The following CACNA1A variants were observed in gnomAD, a reference collection of about 807,000 sequenced individuals.
CACNA1A encodes the protein voltage-dependent P/Q-type calcium channel subunit alpha-1A.
In CACNA1A, 57 loss-of-function variants were observed where a neutral mutation model predicts 262.4. The ratio of observed to expected loss-of-function variants is 0.22; its 90% CI spans 0.18 to 0.27. CACNA1A has a LOEUF of 0.27. Among genes scored for constraint, CACNA1A ranks in the 10% least tolerant of loss-of-function variants. CACNA1A has a pLI of 1.00. For synonymous variants in CACNA1A, 1,431 were observed against 1,419.3 expected (o/e 1.01, Z -0.18); for missense variants, 2,526 against 3,562.8 (o/e 0.71, Z 7.41).
chr19:13,248,992 C>T (rs1011252259), intron 30 of CACNA1A, among the ~76,000 whole-genome samples: 3 of 151,778 alleles, frequency 2.0e-5, no homozygotes, highest in African/African-American at 7.3e-5. Context: ...TTTTAGAGTC[C>T]GGGTCTTGTG....
intron 1 of CACNA1A, among the ~76,000 whole-genome samples, chr19:13,456,199 T>C (rs1318221820): frequency 3.3e-5 from 5 of 152,054 alleles, no homozygotes; most frequent in South Asian, 2.1e-4. Flanking sequence ...AATAAAACAT[T>C]ATGATCAGAT....
chr19:13,488,282 C>A (rs1196656315), intron 1 of CACNA1A, among the ~76,000 whole-genome samples: 3 of 151,990 alleles, frequency 2.0e-5, no homozygotes, highest in East Asian at 1.9e-4. Flanking sequence ...ACTTTAGAAA[C>A]CCTTGGGGAG....
At chr19:13,485,182 T>A (rs542917715) in intron 1 of CACNA1A, among the ~76,000 whole-genome samples, 12 of 152,284 alleles carry the variant, frequency 7.9e-5, no homozygotes, top group Admixed American at 7.2e-4. Flanking sequence ...CTGGGACAAT[T>A]CTTATGGAAT....
chr19:13,465,137 G>T (rs2061210718), intron 1 of CACNA1A, among the ~76,000 whole-genome samples: 1 of 151,358 alleles, frequency 6.6e-6, no homozygotes, highest in Non-Finnish European at 1.5e-5. Context: ...CACCATGTTG[G>T]CCAGGCTAGT....
chr19:13,347,764 G>A (rs771666571), intron 6 of CACNA1A, among the ~76,000 whole-genome samples: 1 of 152,166 alleles, frequency 6.6e-6, no homozygotes, highest in Non-Finnish European at 1.5e-5. Context: ...TTCAATGATG[G>A]TTGTTGAATG....
chr19:13,318,304 C>T (rs1355318797), intron 10 of CACNA1A, among the ~76,000 whole-genome samples: 2 of 152,114 alleles, frequency 1.3e-5, no homozygotes, highest in Non-Finnish European at 2.9e-5. Context: ...AATGTGTCTG[C>T]CCGACATTTT....
intron 10 of CACNA1A, among the ~76,000 whole-genome samples, chr19:13,325,593 C>T (rs986528086): frequency 4.6e-5 from 7 of 152,204 alleles, no homozygotes; most frequent in African/African-American, 1.7e-4. Flanking sequence ...CGCCTCCATG[C>T]CCAGCCGATT....
At chr19:13,419,503 C>A (rs1284472795) in intron 3 of CACNA1A, among the ~76,000 whole-genome samples, 1 of 151,754 alleles carries the variant, frequency 6.6e-6, no homozygotes, top group African/African-American at 2.4e-5. Flanking sequence ...ATAGGGAGAC[C>A]CCACCTCTAC....
At chr19:13,419,522 T>A (rs1439287211) in intron 3 of CACNA1A, among the ~76,000 whole-genome samples, 1 of 151,560 alleles carries the variant, frequency 6.6e-6, no homozygotes, top group Non-Finnish European at 1.5e-5. Context: ...ACAAGAAATT[T>A]AAAAATTAGC....
rs540844334 is a variant in CACNA1A at position 13,350,381 on chromosome 19, TCA to T, written c.978+9223_978+9224del. 9.9e-4 allele frequency among the ~76,000 whole-genome samples: 151 copies of T among 152,296 alleles called. 1 individual carries two copies. Among genetic ancestry groups the T allele is most frequent in the Admixed American group, 2.4e-3 (37 of 15,298 alleles). ...TGCGGAAGGCACTGGCAAGATTCTC[TCA>T]GTTTCACCTTGGGGAGGAAACACTT... On this transcript the variant is annotated intron_variant, in intron 6 of 46. Transcript: ENST00000360228.
intron 35 of CACNA1A, 42 bp from the exon 36 acceptor site, chr19:13,230,251 C>T: frequency 1.2e-6 from 2 of 1,609,830 alleles, no homozygotes; most frequent in South Asian, 1.1e-5. Context: ...GGGGCAGAGA[C>T]CGAGGGAATG....
At chr19:13,327,511 C>G (rs921808832) in intron 10 of CACNA1A, among the ~76,000 whole-genome samples, 1 of 146,022 alleles carries the variant, frequency 6.8e-6, no homozygotes, top group African/African-American at 2.5e-5. Flanking sequence ...GAGCAAGACT[C>G]CATCTCAGAA....
At chr19:13,325,554 C>T (rs112745287) in intron 10 of CACNA1A, among the ~76,000 whole-genome samples, 21 of 152,346 alleles carry the variant, frequency 1.4e-4, no homozygotes, top group African/African-American at 4.6e-4. Context: ...GATGCCTCTG[C>T]CTCCCAAGTA....
At chr19:13,349,721 C>CAA (rs2058871825) in intron 6 of CACNA1A, among the ~76,000 whole-genome samples, 1 of 152,232 alleles carries the variant, frequency 6.6e-6, no homozygotes, top group South Asian at 2.1e-4. Context: ...TTCTGACTCT[C>CAA]AATCGCTGTG....
At chr19:13,339,881 T>C (rs1022553507) in intron 6 of CACNA1A, among the ~76,000 whole-genome samples, 1 of 152,094 alleles carries the variant, frequency 6.6e-6, no homozygotes, top group African/African-American at 2.4e-5. Flanking sequence ...CCCACATCCT[T>C]GTTTTAACGA....
intron 6 of CACNA1A, among the ~76,000 whole-genome samples, chr19:13,352,663 C>T (rs2058933891): frequency 6.6e-6 from 1 of 152,206 alleles, no homozygotes; most frequent in Non-Finnish European, 1.5e-5. Context: ...CCACTGTTCT[C>T]CATGCTGGGA....
At chr19:13,230,468 A>G (rs1449360364) in intron 35 of CACNA1A, among the ~76,000 whole-genome samples, 1 of 152,104 alleles carries the variant, frequency 6.6e-6, no homozygotes, top group African/African-American at 2.4e-5. Flanking sequence ...GATGGGGAAG[A>G]GGAAGAGAGA....
At position 13,455,100 on chromosome 19, in the gene CACNA1A, C is replaced by T. The variant is rs1458519401; in HGVS notation, c.399+7G>A. On this transcript the variant is annotated splice_region_variant and intron_variant, in intron 2 of 46. Coordinates refer to ENST00000360228, the MANE Select transcript of CACNA1A (RefSeq NM_001127222.2). ...AGGAGAAGACCCTGAGAAAAGACAT[C>T]ACTCACCAGCCGTTCAGACATCGGG... is the stretch of plus-strand genomic sequence containing the variant. The T allele has an allele frequency of 1.9e-6, 3 of 1,565,016 alleles. No homozygotes were observed. In the East Asian group the frequency reaches 6.7e-5, roughly 35 times the overall value.
chr19:13,246,217 C>T lies in CACNA1A; in HGVS notation c.4867-952G>A, dbSNP rs112142060. 2.8e-3 allele frequency among the ~76,000 whole-genome samples: 421 copies of T among 152,246 alleles called. 4 individuals carry two copies. Among genetic ancestry groups the T allele is most frequent in the African/African-American group, 9.2e-3 (383 of 41,538 alleles). On this transcript the variant is annotated intron_variant, in intron 30 of 46. Transcript: ENST00000360228. ...GGGCCTCCATTTCCTGATCTGGAGG[C>T]GGACAGTAACAGGGTGCAGAACAGG...
Sources: allele counts gnomAD v4.1 joint callset (sites outside exome capture counted in the v4.1 genomes callset), GRCh38; gene constraint gnomAD v4.1.1; transcripts MANE v1.5; gene names NCBI Gene and HGNC (gene_info 2026-07-23, HGNC 2026-07-21).